Variants in SHOX observed in about 807,000 individuals in gnomAD.
The protein encoded by SHOX is short stature homeobox protein.
SHOX carries 12 observed loss-of-function variants against 29.6 expected under a neutral mutation model. That is an observed-to-expected ratio of 0.41 (90% CI 0.26 to 0.66). The LOEUF (loss-of-function observed/expected upper bound fraction) is 0.66. Ranked by LOEUF, SHOX falls within the 30% of genes least tolerant of loss-of-function variation. The pLI is 0.35. For synonymous variants in SHOX, 214 were observed against 200.6 expected (o/e 1.07, Z -0.57); for missense variants, 499 against 437.7 (o/e 1.14, Z -1.25).
chrX:652,133 C>T (rs1473557764), downstream of SHOX, among the ~76,000 whole-genome samples: 2 of 152,026 alleles, frequency 1.3e-5, no homozygotes, highest in Non-Finnish European at 2.9e-5. Flanking sequence ...CCGTGTTGGT[C>T]AGGCTGGTCT....
chrX:625,723 CTCTCCT>C (rs2052517487), intron 1 of SHOX, among the ~76,000 whole-genome samples: 1 of 142,732 alleles, frequency 7.0e-6, no homozygotes, highest in African/African-American at 2.8e-5. Context: ...CTGTCTCTCT[CTCTCCT>C]CTCTCTCTGT....
chrX:634,729 A>G lies in SHOX; in HGVS notation c.389A>G (p.Asn130Ser). The change falls in exon 2 of 5, where the codon AAC (asparagine) becomes AGC (serine). Residue 130 changes from asparagine to serine, a missense_variant. Coordinates refer to ENST00000686671, the MANE Select transcript of SHOX (RefSeq NM_000451.4). Reference sequence around the variant, plus strand: ...ACCAACTTCACGCTGGAGCAGCTGAACGAGCTCGAGCGACTCTTCGACGAG... The same window carrying G: ...ACCAACTTCACGCTGGAGCAGCTGAGCGAGCTCGAGCGACTCTTCGACGAG... ...SRTNFTLEQL[N>S]ELERLFDETH... 3 of 1,613,392 alleles carry G rather than the reference A, an allele frequency of 1.9e-6. No homozygotes were observed. The highest frequency in any genetic ancestry group is 2.5e-6 in the Non-Finnish European group (3 of 1,179,704).
Position 646,987 on chromosome X carries a change from A to T in SHOX, c.*2351A>T, listed in dbSNP as rs901939890. ...CCAAAAAGGCTGAGTAATTTTGAAA[A>T]ATCGAAACATAACAGTGTGTCATCA... On this transcript the variant is annotated 3_prime_UTR_variant, in exon 5 of 5. Transcript: ENST00000686671. 1.6e-4 allele frequency among the ~76,000 whole-genome samples: 24 copies of T among 152,284 alleles called. No individual in the cohort carries two copies. Among genetic ancestry groups the T allele is most frequent in the Admixed American group, 5.9e-4 (9 of 15,296 alleles).
At position 630,874 on chromosome X, in the gene SHOX, T is replaced by C; in HGVS notation, c.-24T>C. On this transcript the variant is annotated 5_prime_UTR_variant, in exon 1 of 5. Coordinates refer to ENST00000686671, the MANE Select transcript of SHOX (RefSeq NM_000451.4). ...GACGCGCGCATCCACCAGCCCCGGC[T>C]GCTCGCCAGCCCCGGCCCCAGCCAT... The C allele has an allele frequency of 1.2e-6, 2 of 1,612,132 alleles. No homozygotes were observed. Among genetic ancestry groups the C allele is most frequent in the Non-Finnish European group, 1.7e-6 (2 of 1,179,690 alleles).
At chrX:632,883 G>C (rs1374880065) in intron 1 of SHOX, among the ~76,000 whole-genome samples, 3 of 152,152 alleles carry the variant, frequency 2.0e-5, no homozygotes, top group African/African-American at 7.2e-5. Context: ...CCCGGCGGCC[G>C]CTTCTGTGGG....
At chrX:625,221 C>T (rs866463524) in intron 1 of SHOX, among the ~76,000 whole-genome samples, 2 of 128,806 alleles carry the variant, frequency 1.6e-5, no homozygotes, top group Non-Finnish European at 3.3e-5. Context: ...TCCTCCTCCT[C>T]CTTCTCCCTC....
intron 1 of SHOX, among the ~76,000 whole-genome samples, chrX:634,010 G>C (rs1184315110): frequency 6.6e-6 from 1 of 152,232 alleles, no homozygotes; most frequent in African/African-American, 2.4e-5. Flanking sequence ...GTGTGAAAAA[G>C]TGGGAAGGAG....
Position 644,377 on chromosome X carries a change from G to A in SHOX, c.634-14G>A, listed in dbSNP as rs759067813. 1 of 1,518,044 alleles carries A rather than the reference G, an allele frequency of 6.6e-7. No homozygotes were observed. Among genetic ancestry groups the A allele is most frequent in the South Asian group, 1.2e-5 (1 of 81,950 alleles). The allele number at this position is 1,518,044 out of a possible 1,614,324, so 94.0% of individuals were successfully genotyped here. A position where few individuals can be genotyped will look rare whatever the true frequency, so the allele number is the denominator to read the frequency against. On this transcript the variant is annotated splice_polypyrimidine_tract_variant and intron_variant, in intron 4 of 4. Transcript: ENST00000686671. ...CCATCCTGCGCCCTCACCCCGCCGGGTCCGCTCCCGCAGGTCCAGGCTCAG... is the reference window on the plus strand; with the variant it reads ...CCATCCTGCGCCCTCACCCCGCCGGATCCGCTCCCGCAGGTCCAGGCTCAG...
At chrX:637,283 G>C (rs2052775995) in intron 2 of SHOX, among the ~76,000 whole-genome samples, 1 of 152,108 alleles carries the variant, frequency 6.6e-6, no homozygotes, top group Non-Finnish European at 1.5e-5. Context: ...TTTCGCTAAA[G>C]GGGACATCGA....
At chrX:658,736 C>G (rs1202926517) in intron 5 of SHOX, 10 of 345,268 alleles carry the variant, frequency 2.9e-5, no homozygotes, top group Non-Finnish European at 5.8e-5. Context: ...TCCCAAAGTG[C>G]TGGGACTACA....
At chrX:630,382 C>G (rs768130629), upstream of SHOX, 815 of 160,950 alleles carry the variant, frequency 5.1e-3, 2 homozygotes, top group Non-Finnish European at 7.9e-3. Context: ...GCTCTGCGCT[C>G]CTCCCGGGAG....
chrX:658,706 A>G (rs747553426), intron 5 of SHOX: 122 of 286,430 alleles, frequency 4.3e-4, no homozygotes, highest in South Asian at 4.9e-4. Context: ...TCCTGACCTC[A>G]TGATCCGTCC....
intron 1 of SHOX, among the ~76,000 whole-genome samples, chrX:632,998 G>T (rs1327713342): frequency 3.9e-5 from 6 of 152,112 alleles, no homozygotes; most frequent in African/African-American, 1.2e-4. Context: ...CAGACCTTTC[G>T]AAAGTGAGAG....
chrX:656,459 C>T (rs138631405), downstream of SHOX, among the ~76,000 whole-genome samples: 7,110 of 151,586 alleles, frequency 0.047, 169 homozygotes, highest in South Asian at 0.11. Context: ...CCTGTAATCC[C>T]GGTACTCTGG....
chrX:652,638 C>A (rs2124216275), downstream of SHOX, among the ~76,000 whole-genome samples: 1 of 152,268 alleles, frequency 6.6e-6, no homozygotes, highest in Non-Finnish European at 1.5e-5. Context: ...GTTCTTCCTG[C>A]TGACTCCTGG....
In SHOX at chrX:625,107, CTTCT is replaced by C. The variant is rs1441668006; in HGVS notation, c.-433+518_-433+521del. The stretch of plus-strand genomic sequence containing the variant: ...CCTCCCTCCCTCCTTCCCTTTCTTT[CTTCT>C]TTCTTTCTTTCTCTTTCTTTTTTCT... On this transcript the variant is annotated intron_variant, in intron 1 of 5. Coordinates refer to the SHOX transcript ENST00000334060. 1.6e-4 allele frequency among the ~76,000 whole-genome samples: 21 copies of C among 132,614 alleles called. 1 individual carries two copies. The highest frequency in any genetic ancestry group is 1.0e-3 in the South Asian group (4 of 3,862). The allele number at this position is 132,614 out of a possible 152,430, so 87.0% of individuals were successfully genotyped here. A position where few individuals can be genotyped will look rare whatever the true frequency, so the allele number is the denominator to read the frequency against.
At chrX:631,288 C>T (rs2052644319) in intron 1 of SHOX, 114 bp downstream of exon 1, 4 of 1,347,236 alleles carry the variant, frequency 3.0e-6, no homozygotes, top group Middle Eastern at 2.4e-4. Context: ...TCCCGTCTCG[C>T]CAGGGTAAGG....
chrX:629,592 T>A (rs2052611767), upstream of SHOX, among the ~76,000 whole-genome samples: 1 of 152,098 alleles, frequency 6.6e-6, no homozygotes, highest in Admixed American at 6.5e-5. Context: ...TCTCTCTTTC[T>A]GTGTCTTACA....
chrX:634,637 G>C lies in SHOX; in HGVS notation c.297G>C (p.Glu99Asp), dbSNP rs776301574. 7.4e-6 allele frequency: 12 copies of C among 1,613,708 alleles called. No individual in the cohort carries two copies. The highest frequency in any genetic ancestry group is 1.0e-5 in the Non-Finnish European group (12 of 1,179,888). Residue 99 changes from glutamate (E) to aspartate (D), a missense_variant, in exon 2 of 5, where the codon GAG (glutamate) becomes GAC (aspartate). Coordinates refer to ENST00000686671, the MANE Select transcript of SHOX (RefSeq NM_000451.4). ...ACGCAGGGATTTATGAATGCAAAGA[G>C]AAGCGCGAGGACGTGAAGTCGGAGG... ...RVAEGIYECKEKREDVKSEDE... is the reference protein window; with the variant it reads ...RVAEGIYECKDKREDVKSEDE...
Sources: gnomAD v4.1 joint callset for allele counts (sites outside exome capture counted in the v4.1 genomes callset) on GRCh38, gnomAD v4.1.1 for gene constraint, MANE v1.5 for transcripts, NCBI Gene and HGNC (gene_info 2026-07-23, HGNC 2026-07-21) for gene names.